USF2: variants seen among roughly 807,000 people sequenced by gnomAD.
USF2 encodes the protein upstream transcription factor 2, c-fos interacting.
In USF2, 16 loss-of-function variants were observed where a neutral mutation model predicts 46.9. The ratio of observed to expected loss-of-function variants is 0.34; its 90% CI spans 0.23 to 0.52. The LOEUF (loss-of-function observed/expected upper bound fraction) is 0.52, where lower values mean the gene tolerates loss of function less well. Among genes scored for constraint, USF2 ranks in the 20% least tolerant of loss-of-function variants. The pLI, the probability that USF2 is intolerant of heterozygous loss-of-function variation, is 0.96. For missense variants in USF2, 411 were observed against 474.0 expected, an observed-to-expected ratio of 0.87 and a Z score of 1.23; for synonymous variants, 239 against 194.1, an observed-to-expected ratio of 1.23 and a Z score of -1.92.
At chr19:35,271,597 C>T in intron 7 of USF2, among the ~76,000 whole-genome samples, 1 of 152,248 alleles carries the variant, frequency 6.6e-6, no homozygotes, top group South Asian at 2.1e-4. Flanking sequence ...TGAAGTTCTG[C>T]CTCTGGCTAC....
intron 7 of USF2, chr19:35,275,718 C>A (rs957830637): frequency 2.0e-5 from 3 of 152,104 alleles, no homozygotes; most frequent in Non-Finnish European, 4.4e-5. Flanking sequence ...TTTCAGATAT[C>A]TTTTTGTTAT....
rs2066106021 is a variant in USF2 at position 35,269,380 on chromosome 19, TGGGCGCGGGGGCGG to T, written c.63-56_63-43del. Reference sequence around the variant, plus strand: ...CCGGGTGGGACTGGGGCCCTGCAGCTGGGCGCGGGGGCGGGGGCGCGGGCGCGGGCCGCGCTGAC... The same window carrying T: ...CCGGGTGGGACTGGGGCCCTGCAGCTGGGCGCGGGCGCGGGCCGCGCTGAC... On this transcript the variant is annotated intron_variant, in intron 1 of 9. Coordinates refer to ENST00000222305, the MANE Select transcript of USF2 (RefSeq NM_003367.4). The T allele has an allele frequency of 3.9e-6, 5 of 1,279,560 alleles. No individual in the cohort carries two copies. The South Asian group carries it at 6.4e-5, about 16-fold the overall frequency. 79.3% of individuals were successfully genotyped at this position (1,279,560 alleles called of 1,614,324 possible).
chr19:35,269,181 G>T lies in USF2; in HGVS notation c.62+18G>T. 1 of 995,146 alleles carries T rather than the reference G, an allele frequency of 1.0e-6. No individual in the cohort carries two copies. The allele number at this position is 995,146 out of a possible 1,614,324, so 61.6% of individuals were successfully genotyped here. A position where few individuals can be genotyped will look rare whatever the true frequency, so the allele number is the denominator to read the frequency against. On this transcript the variant is annotated intron_variant, in intron 1 of 9. Transcript: ENST00000222305. The stretch of plus-strand genomic sequence containing the variant: ...GCCGCCAGGTAAGATCCCCGGCCCG[G>T]CCGTGCCCCCGCGCCCCGGCCCCGG...
chr19:35,273,932 C>A (rs548735505), intron 7 of USF2, among the ~76,000 whole-genome samples: 1 of 152,196 alleles, frequency 6.6e-6, no homozygotes, highest in Non-Finnish European at 1.5e-5. Context: ...TGGTCAGTAT[C>A]CCCCAAACTC....
intron 2 of USF2, 38 bp downstream of exon 2, chr19:35,269,530 T>TG: frequency 6.5e-7 from 1 of 1,550,378 alleles, no homozygotes; most frequent in East Asian, 2.4e-5. Context: ...CGGGGAGGGC[T>TG]GGGGGCGCTC....
chr19:35,272,872 C>G (rs2066177121), intron 7 of USF2, among the ~76,000 whole-genome samples: 1 of 151,866 alleles, frequency 6.6e-6, no homozygotes, highest in African/African-American at 2.4e-5. Context: ...TTGAGGGGCC[C>G]CCAGAGCAGC....
At position 35,279,626 on chromosome 19, in the gene USF2, C is replaced by CT. The variant is rs2066283498; in HGVS notation, c.*373dup. 1 of 234,008 alleles carries CT rather than the reference C, an allele frequency of 4.3e-6. No homozygotes were observed. The highest frequency in any genetic ancestry group is 8.2e-6 in the Non-Finnish European group (1 of 121,468). 14.5% of individuals were successfully genotyped at this position (234,008 alleles called of 1,614,324 possible). A position where few individuals can be genotyped will look rare whatever the true frequency, so the allele number is the denominator to read the frequency against. On this transcript the variant is annotated 3_prime_UTR_variant, in exon 10 of 10. Transcript: ENST00000222305. Reference sequence around the variant, plus strand: ...GGGTGCTGATGGGAAGGAGGGGAGCCTTTGGGGGGCCACCCGGGGCCTGGA... The same window carrying CT: ...GGGTGCTGATGGGAAGGAGGGGAGCCTTTTGGGGGGCCACCCGGGGCCTGGA...
chr19:35,277,910 T>C (rs1022167924), intron 7 of USF2: 6 of 152,262 alleles, frequency 3.9e-5, no homozygotes, highest in African/African-American at 1.4e-4. Context: ...GAAAGGCATG[T>C]GCTCTGTCTG....
intron 3 of USF2, 26 bp downstream of exon 3, chr19:35,269,725 C>A: frequency 3.0e-5 from 5 of 166,640 alleles, no homozygotes; most frequent in Non-Finnish European, 4.1e-5. Flanking sequence ...CGAGGGCGAA[C>A]GGGCGGGCGG....
Position 35,279,439 on chromosome 19 carries a change from A to C in USF2, c.*183A>C, listed in dbSNP as rs2066281007. On this transcript the variant is annotated 3_prime_UTR_variant, in exon 10 of 10. Transcript: ENST00000222305. ...GATACAGTGCCCACCGCCCTCCTCCACTTGGAAACGGTATCCTCCCTGCCC... is the reference window on the plus strand; with the variant it reads ...GATACAGTGCCCACCGCCCTCCTCCCCTTGGAAACGGTATCCTCCCTGCCC... The C allele has an allele frequency of 1.6e-6, 1 of 641,128 alleles. No homozygotes were observed. Among genetic ancestry groups the C allele is most frequent in the Non-Finnish European group, 2.5e-6 (1 of 407,580 alleles). 39.7% of individuals were successfully genotyped at this position (641,128 alleles called of 1,614,324 possible). A position where few individuals can be genotyped will look rare whatever the true frequency, so the allele number is the denominator to read the frequency against.
Position 35,269,970 on chromosome 19 carries a change from T to C in USF2, c.396T>C (p.Ser132=). 7.5e-7 allele frequency: 1 copy of C among 1,341,614 alleles called. No individual in the cohort carries two copies. Among genetic ancestry groups the C allele is most frequent in the Non-Finnish European group, 9.5e-7 (1 of 1,053,542 alleles). The allele number at this position is 1,341,614 out of a possible 1,614,324, so 83.1% of individuals were successfully genotyped here. A position where few individuals can be genotyped will look rare whatever the true frequency, so the allele number is the denominator to read the frequency against. ...AAQRPGPAAA[S]VPPGPAAPFP... is the part of the protein sequence containing the mutation. ...AGCGCCCGGGCCCCGCCGCTGCCTC[T>C]GTGCCCCCAGGTCCTGCAGCGCCCT... The change falls in exon 4 of 10, where the codon TCT becomes TCC. Residue 132 remains serine, a synonymous_variant. Coordinates refer to ENST00000222305, the MANE Select transcript of USF2 (RefSeq NM_003367.4).
At chr19:35,272,146 C>T (rs955265618) in intron 7 of USF2, among the ~76,000 whole-genome samples, 1 of 152,066 alleles carries the variant, frequency 6.6e-6, no homozygotes, top group African/African-American at 2.4e-5. Context: ...GTTCATTCAG[C>T]GCGTGCATAC....
chr19:35,276,268 C>T (rs541303235), intron 7 of USF2, among the ~76,000 whole-genome samples: 1 of 152,134 alleles, frequency 6.6e-6, no homozygotes, highest in East Asian at 1.9e-4. Context: ...GCCGGGGTTT[C>T]GCCATGTTGG....
Position 35,269,273 on chromosome 19 carries a change from T to C in USF2, c.62+110T>C, listed in dbSNP as rs1406903280. The C allele has an allele frequency of 4.4e-6, 4 of 919,370 alleles. No individual in the cohort carries two copies. The East Asian group carries it at 5.5e-4, about 126-fold the overall frequency. The allele number at this position is 919,370 out of a possible 1,614,324, so 57.0% of individuals were successfully genotyped here. ...GAGCGGCCGCGGGCCCGGCTCAAAA[T>C]GGAGGCCGCCGGCGCGGGGGGGACC... On this transcript the variant is annotated intron_variant, in intron 1 of 9. Coordinates refer to ENST00000222305, the MANE Select transcript of USF2 (RefSeq NM_003367.4).
intron 7 of USF2, 51 bp from the exon 8 acceptor site, chr19:35,278,647 C>T (rs1217928597): frequency 2.5e-6 from 4 of 1,596,798 alleles, no homozygotes; most frequent in Admixed American, 1.7e-5. Context: ...AGGACGGCCG[C>T]TCAGGCATGA....
rs2066125957 is a variant in USF2 at position 35,270,021 on chromosome 19, C to T, written c.429+18C>T. On this transcript the variant is annotated intron_variant, in intron 4 of 9. Transcript: ENST00000222305. ...TCCCGCTGGTAGGTGCCCTGCCACC[C>T]CTGGGTGGGGGGGGGAGGGAGTGGA... 10 of 1,343,458 alleles carry T rather than the reference C, an allele frequency of 7.4e-6. No individual in the cohort carries two copies. In the South Asian group the frequency reaches 1.7e-4, roughly 23 times the overall value. 83.2% of individuals were successfully genotyped at this position (1,343,458 alleles called of 1,614,324 possible).
At chr19:35,272,541 C>T (rs905225982) in intron 7 of USF2, among the ~76,000 whole-genome samples, 3 of 152,088 alleles carry the variant, frequency 2.0e-5, no homozygotes, top group African/African-American at 4.8e-5. Flanking sequence ...AGGAAGTTGG[C>T]GCAGTGGAGG....
Position 35,269,576 on chromosome 19 carries a change from C to G in USF2, c.110-5C>G. On this transcript the variant is annotated splice_polypyrimidine_tract_variant and splice_region_variant and intron_variant, in intron 2 of 9. Coordinates refer to ENST00000222305, the MANE Select transcript of USF2 (RefSeq NM_003367.4). ...TGACCGTGCCCCGACCCTCCTCGGC[C>G]CCAGGCGGGGACGGCCCAGGAGCGG... The G allele has an allele frequency of 6.3e-7, 1 of 1,581,398 alleles. No homozygotes were observed. Among genetic ancestry groups the G allele is most frequent in the Non-Finnish European group, 8.6e-7 (1 of 1,165,696 alleles).
In USF2 at chr19:35,272,717, C is replaced by T. The variant is rs7252802; in HGVS notation, c.727+1576C>T. 3.1e-3 allele frequency among the ~76,000 whole-genome samples: 477 copies of T among 151,722 alleles called. 8 individuals carry two copies. The highest frequency in any genetic ancestry group is 7.9e-3 in the African/African-American group (328 of 41,304). ...AGGGGCTGGGAGGTAGGAGACCATACGACTGTCAGGCCTGAGACAGGGCAG... is the reference window on the plus strand; with the variant it reads ...AGGGGCTGGGAGGTAGGAGACCATATGACTGTCAGGCCTGAGACAGGGCAG... On this transcript the variant is annotated intron_variant, in intron 7 of 9. Transcript: ENST00000222305.
Sources: gnomAD v4.1 joint callset for allele counts (sites outside exome capture counted in the v4.1 genomes callset) on GRCh38, gnomAD v4.1.1 for gene constraint, MANE v1.5 for transcripts, NCBI Gene and HGNC (gene_info 2026-07-23, HGNC 2026-07-21) for gene names.